Variants in MTMR12 observed in about 807,000 individuals in gnomAD.
The protein encoded by MTMR12 is myotubularin-related protein 12.
In MTMR12, 33 loss-of-function variants were observed where a neutral mutation model predicts 96.7. That is an observed-to-expected ratio of 0.34 (90% confidence interval 0.26 to 0.46). The LOEUF is 0.46. Ranked by LOEUF, MTMR12 falls within the 20% of genes least tolerant of loss-of-function variation. The pLI is 1.00. For missense variants in MTMR12, 721 were observed against 896.1 expected, an observed-to-expected ratio of 0.80 and a Z score of 2.49; for synonymous variants, 298 against 327.2, an observed-to-expected ratio of 0.91 and a Z score of 0.96.
At chr5:32,287,905 CTAAGT>C (rs1407447724) in intron 1 of MTMR12, among the ~76,000 whole-genome samples, 1 of 152,100 alleles carries the variant, frequency 6.6e-6, no homozygotes, top group Non-Finnish European at 1.5e-5. Flanking sequence ...TTGGTTGCTC[CTAAGT>C]TCAGTGGACA....
intron 15 of MTMR12, among the ~76,000 whole-genome samples, chr5:32,232,761 C>T (rs978354347): frequency 6.6e-6 from 1 of 152,234 alleles, no homozygotes; most frequent in African/African-American, 2.4e-5. Context: ...CCTGCGGCCC[C>T]TAAAAGGGCA....
chr5:32,291,762 G>C (rs997009892), intron 1 of MTMR12, among the ~76,000 whole-genome samples: 1 of 152,172 alleles, frequency 6.6e-6, no homozygotes. Flanking sequence ...CCACTGTTGA[G>C]TGCCCAGTTT....
chr5:32,302,660 T>C (rs1751198447), intron 1 of MTMR12, among the ~76,000 whole-genome samples: 1 of 149,926 alleles, frequency 6.7e-6, no homozygotes, highest in Admixed American at 6.7e-5. Context: ...GAGGTTGCAG[T>C]GAGCCAAGAT....
intron 1 of MTMR12, among the ~76,000 whole-genome samples, chr5:32,311,366 T>C (rs1271663302): frequency 6.6e-6 from 1 of 152,206 alleles, no homozygotes; most frequent in Non-Finnish European, 1.5e-5. Flanking sequence ...CAACTAGGAC[T>C]AAAAATAAGA....
chr5:32,234,619 G>A lies in MTMR12; in HGVS notation c.1512+343C>T, dbSNP rs539105691. 414 of 165,094 alleles carry A rather than the reference G, an allele frequency of 2.5e-3. 3 individuals carry two copies. The highest frequency in any genetic ancestry group is 8.8e-3 in the African/African-American group (369 of 41,966). The allele number at this position is 165,094 out of a possible 1,614,324, so 10.2% of individuals were successfully genotyped here. A position where few individuals can be genotyped will look rare whatever the true frequency, so the allele number is the denominator to read the frequency against. ...GTTCCAATATTTACCATGTGACCACGAGTGAGTTACTTATCCTTTTTTTGC... is the reference window on the plus strand; with the variant it reads ...GTTCCAATATTTACCATGTGACCACAAGTGAGTTACTTATCCTTTTTTTGC... On this transcript the variant is annotated intron_variant, in intron 14 of 15. Transcript: ENST00000382142.
chr5:32,304,390 C>T (rs1236277111), intron 1 of MTMR12, among the ~76,000 whole-genome samples: 1 of 152,060 alleles, frequency 6.6e-6, no homozygotes, highest in Non-Finnish European at 1.5e-5. Context: ...CACAGACATA[C>T]TTATAAATGG....
chr5:32,273,503 G>A (rs189697732), intron 3 of MTMR12, among the ~76,000 whole-genome samples: 9 of 152,332 alleles, frequency 5.9e-5, no homozygotes, highest in Admixed American at 2.0e-4. Context: ...TAGAGAAAAC[G>A]TGGGGAACTA....
At chr5:32,251,268 T>A (rs1359350379) in intron 8 of MTMR12, among the ~76,000 whole-genome samples, 1 of 152,144 alleles carries the variant, frequency 6.6e-6, no homozygotes, top group Admixed American at 6.5e-5. Context: ...TTTTACCTCG[T>A]GATCCGCCCG....
rs970725049 is a variant in MTMR12, at chr5:32,270,438, T to C, written c.489+379A>G. Among the ~76,000 whole-genome samples, 7 of 152,300 alleles carry C rather than the reference T, an allele frequency of 4.6e-5. 1 individual carries two copies. Among genetic ancestry groups the C allele is most frequent in the Admixed American group, 1.3e-4 (2 of 15,292 alleles). On this transcript the variant is annotated intron_variant, in intron 5 of 15. Transcript: ENST00000382142. ...AGGTAAACTCATTTACTCATAGAAG[T>C]TGGAATTCTCCAACACTACTGTCTT...
intron 1 of MTMR12, chr5:32,296,347 T>A (rs1457569297): frequency 2.3e-5 from 4 of 171,608 alleles, no homozygotes; most frequent in Non-Finnish European, 1.3e-5. Flanking sequence ...GGGCATGTTG[T>A]GTGTACCTGT....
chr5:32,294,395 C>T (rs1267000403), intron 1 of MTMR12, among the ~76,000 whole-genome samples: 1 of 152,082 alleles, frequency 6.6e-6, no homozygotes, highest in African/African-American at 2.4e-5. Flanking sequence ...TTCTGCCTCC[C>T]AGGTTCAAAA....
chr5:32,284,152 A>G (rs113119544), intron 1 of MTMR12, among the ~76,000 whole-genome samples: 2 of 145,416 alleles, frequency 1.4e-5, no homozygotes, highest in Non-Finnish European at 3.0e-5. Flanking sequence ...ACAAAAAAAA[A>G]TTTTTTTTTT....
intron 5 of MTMR12, 66 bp from the exon 6 acceptor site, chr5:32,268,860 G>A: frequency 7.5e-7 from 1 of 1,327,460 alleles, no homozygotes; most frequent in Middle Eastern, 2.3e-4. Flanking sequence ...AAAGACAAGA[G>A]TCAAGGTGTC....
In MTMR12 at chr5:32,233,659, C is replaced by T; in HGVS notation, c.1674+114G>A. ...TTGACCATCACAAGTCTCAACTCTG[C>T]AGACTGCTTCGAGGGGTAGAAAATG... On this transcript the variant is annotated intron_variant, in intron 15 of 15. Coordinates refer to ENST00000382142, the MANE Select transcript of MTMR12 (RefSeq NM_001040446.3). The surrounding 1 kb of genome is among the most constrained non-coding windows in gnomAD (Gnocchi z 5.0). 7.0e-7 allele frequency: 1 copy of T among 1,428,606 alleles called. No individual in the cohort carries two copies. Among genetic ancestry groups the T allele is most frequent in the Non-Finnish European group, 9.7e-7 (1 of 1,033,182 alleles). The allele number at this position is 1,428,606 out of a possible 1,614,324, so 88.5% of individuals were successfully genotyped here. A position where few individuals can be genotyped will look rare whatever the true frequency, so the allele number is the denominator to read the frequency against.
intron 2 of MTMR12, 50 bp from the exon 3 acceptor site, chr5:32,274,172 A>C (rs376815234): frequency 2.7e-5 from 43 of 1,591,148 alleles, no homozygotes; most frequent in Admixed American, 5.4e-5. Context: ...GGAACATACG[A>C]TATGCAAACA....
At chr5:32,283,733 T>C (rs1362422718) in intron 1 of MTMR12, among the ~76,000 whole-genome samples, 3 of 152,152 alleles carry the variant, frequency 2.0e-5, no homozygotes, top group Admixed American at 6.5e-5. Context: ...ATGAGAGTTA[T>C]AGAGAGGCCA....
intron 1 of MTMR12, among the ~76,000 whole-genome samples, chr5:32,278,844 G>A (rs1044487343): frequency 2.6e-5 from 4 of 152,146 alleles, no homozygotes; most frequent in East Asian, 1.9e-4. Context: ...TTGGGAGGCC[G>A]AGGTGGACGG....
intron 7 of MTMR12, among the ~76,000 whole-genome samples, chr5:32,262,599 C>T (rs1283004004): frequency 6.6e-6 from 1 of 152,030 alleles, no homozygotes; most frequent in South Asian, 2.1e-4. Flanking sequence ...CGGAGCAAGA[C>T]CCTGTCTCAA....
chr5:32,263,918 T>G (rs989462286), intron 6 of MTMR12, among the ~76,000 whole-genome samples: 1 of 152,258 alleles, frequency 6.6e-6, no homozygotes, highest in Non-Finnish European at 1.5e-5. Flanking sequence ...TGCCAATGTG[T>G]GCATAAGACG....
Sources: gnomAD v4.1 joint callset for allele counts (sites outside exome capture counted in the v4.1 genomes callset) on GRCh38, gnomAD v4.1.1 for gene constraint, Gnocchi (gnomAD v3.1) non-coding constraint, MANE v1.5 for transcripts, NCBI Gene and HGNC (gene_info 2026-07-23, HGNC 2026-07-21) for gene names.